FMN2: variants seen among roughly 807,000 people sequenced by gnomAD.
FMN2 encodes the protein formin 2, also known as formin-2.
A neutral mutation model predicts 142.3 loss-of-function variants in FMN2; 51 were observed. The observed-to-expected ratio is 0.36, with a 90% CI of 0.29 to 0.45. FMN2 has a LOEUF of 0.45. Among genes scored for constraint, FMN2 ranks in the 20% least tolerant of loss-of-function variants. FMN2 has a pLI of 1.00. For synonymous variants in FMN2, 882 were observed against 869.8 expected, an observed-to-expected ratio of 1.01 and a Z score of -0.25; for missense variants, 1,936 against 2,122.8, an observed-to-expected ratio of 0.91 and a Z score of 1.73.
chr1:240,464,803 T>C (rs1212631243), intron 16 of FMN2, among the ~76,000 whole-genome samples: 1 of 152,206 alleles, frequency 6.6e-6, no homozygotes, highest in African/African-American at 2.4e-5. Context: ...CCTCCAGGGC[T>C]GACACTTGCA....
At chr1:240,209,271 GA>G (rs1416994773) in intron 5 of FMN2, among the ~76,000 whole-genome samples, 1 of 149,858 alleles carries the variant, frequency 6.7e-6, no homozygotes, top group Admixed American at 6.6e-5. Context: ...TTGGAGGGGG[GA>G]CGGAGTCTCG....
At chr1:240,201,781 A>G (rs1322510603) in intron 4 of FMN2, among the ~76,000 whole-genome samples, 1 of 152,154 alleles carries the variant, frequency 6.6e-6, no homozygotes, top group African/African-American at 2.4e-5. Flanking sequence ...GTACCTGGGT[A>G]TATCAGTCAG....
At chr1:240,467,152 G>T (rs1676649169) in intron 16 of FMN2, among the ~76,000 whole-genome samples, 1 of 152,146 alleles carries the variant, frequency 6.6e-6, no homozygotes, top group Admixed American at 6.5e-5. Context: ...TCAGGGACTG[G>T]GCAGACTGCC....
At chr1:240,218,561 C>CT (rs1267359364) in intron 6 of FMN2, among the ~76,000 whole-genome samples, 3 of 81,806 alleles carry the variant, frequency 3.7e-5, no homozygotes, top group Middle Eastern at 7.7e-3. Context: ...CATCTCATCT[C>CT]TAAAAAAAAA....
chr1:240,251,602 G>A (rs1193660047), intron 6 of FMN2, among the ~76,000 whole-genome samples: 2 of 152,184 alleles, frequency 1.3e-5, no homozygotes, highest in Non-Finnish European at 2.9e-5. Flanking sequence ...CTAAAGTTCA[G>A]TTTAAATCCT....
At chr1:240,156,633 T>C (rs1255586457) in intron 2 of FMN2, among the ~76,000 whole-genome samples, 3 of 152,138 alleles carry the variant, frequency 2.0e-5, no homozygotes, top group Non-Finnish European at 4.4e-5. Flanking sequence ...CAGGCTAAGG[T>C]GGTGGGCTGA....
chr1:240,184,038 G>C (rs1382499379), intron 3 of FMN2, among the ~76,000 whole-genome samples: 1 of 151,946 alleles, frequency 6.6e-6, no homozygotes, highest in Non-Finnish European at 1.5e-5. Context: ...TTAGCTGAGA[G>C]GCATATCCCG....
intron 4 of FMN2, among the ~76,000 whole-genome samples, chr1:240,196,068 A>G (rs1184716997): frequency 6.6e-6 from 1 of 152,234 alleles, no homozygotes; most frequent in Admixed American, 6.5e-5. Flanking sequence ...CAGTAGGCAG[A>G]GTGAGTGATG....
intron 4 of FMN2, among the ~76,000 whole-genome samples, chr1:240,205,239 C>G (rs1666285600): frequency 6.6e-6 from 1 of 152,050 alleles, no homozygotes; most frequent in African/African-American, 2.4e-5. Flanking sequence ...CAAGAAGTCT[C>G]TCATCCTCTC....
At chr1:240,472,792 A>G (rs2065829) in intron 17 of FMN2, among the ~76,000 whole-genome samples, 79,256 of 151,402 alleles carry the variant, frequency 0.52, 21,773 homozygotes, top group Middle Eastern at 0.61. Context: ...TAAAATACAA[A>G]CAATTAGCCG....
chr1:240,430,178 A>G (rs1473154230), intron 15 of FMN2, among the ~76,000 whole-genome samples: 5 of 151,738 alleles, frequency 3.3e-5, no homozygotes, highest in Non-Finnish European at 7.4e-5. Flanking sequence ...GAGCCACTGC[A>G]CCCGGCCTGA....
At chr1:240,437,246 T>C (rs1229400917) in intron 15 of FMN2, among the ~76,000 whole-genome samples, 2 of 151,256 alleles carry the variant, frequency 1.3e-5, no homozygotes, top group Non-Finnish European at 2.9e-5. Context: ...CTCTACTCAA[T>C]GATAGCACTG....
rs190936697 is a variant in FMN2, at chr1:240,136,848, G to A, written c.1782+13503G>A. 7.4e-4 allele frequency among the ~76,000 whole-genome samples: 112 copies of A among 152,064 alleles called. 3 individuals are homozygous for A. In the East Asian group the frequency reaches 0.018, roughly 25 times the overall value. Reference sequence around the variant, plus strand: ...AGCACTTTGGGAGGCCAAGGTGGGCGGAGCACAAGGTCAGGAGTTTGAGAT... The same window carrying A: ...AGCACTTTGGGAGGCCAAGGTGGGCAGAGCACAAGGTCAGGAGTTTGAGAT... On this transcript the variant is annotated intron_variant, in intron 2 of 17. Coordinates refer to ENST00000319653, the MANE Select transcript of FMN2 (RefSeq NM_020066.5).
At chr1:240,110,459 C>A (rs551112087) in intron 1 of FMN2, among the ~76,000 whole-genome samples, 1 of 152,288 alleles carries the variant, frequency 6.6e-6, no homozygotes, top group Admixed American at 6.5e-5. Flanking sequence ...CAATAAAACC[C>A]TAGTGCAAGG....
intron 15 of FMN2, among the ~76,000 whole-genome samples, chr1:240,420,284 C>G (rs567741617): frequency 6.6e-6 from 1 of 152,256 alleles, no homozygotes; most frequent in East Asian, 1.9e-4. Context: ...GTGCCTACTT[C>G]TCTCAGCTTC....
At chr1:240,472,801 C>T (rs111924250) in intron 17 of FMN2, among the ~76,000 whole-genome samples, 45,538 of 151,636 alleles carry the variant, frequency 0.3, 7,366 homozygotes, top group African/African-American at 0.43. Flanking sequence ...AACAATTAGC[C>T]GGGCATGGTG....
chr1:240,169,296 A>G (rs571407951), intron 2 of FMN2, among the ~76,000 whole-genome samples: 13 of 152,308 alleles, frequency 8.5e-5, no homozygotes, highest in African/African-American at 2.6e-4. Context: ...GGGCATTTTC[A>G]GTAGTCTTCT....
At chr1:240,233,775 C>A (rs1163535386) in intron 6 of FMN2, among the ~76,000 whole-genome samples, 2 of 152,172 alleles carry the variant, frequency 1.3e-5, no homozygotes, top group Non-Finnish European at 2.9e-5. Flanking sequence ...CCTCCTCTTT[C>A]TGTATGCGCA....
chr1:240,152,263 C>T (rs143133150), intron 2 of FMN2, among the ~76,000 whole-genome samples: 312 of 151,484 alleles, frequency 2.1e-3, no homozygotes, highest in African/African-American at 7.3e-3. Context: ...TGTCTAGAAT[C>T]TGTGTGCTCT....
Sources: allele counts gnomAD v4.1 joint callset (sites outside exome capture counted in the v4.1 genomes callset), GRCh38; gene constraint gnomAD v4.1.1; transcripts MANE v1.5; gene names NCBI Gene and HGNC (gene_info 2026-07-23, HGNC 2026-07-21).